The following CSMD3 variants were observed in gnomAD, a reference collection of about 807,000 sequenced individuals.
The protein encoded by CSMD3 is CUB and Sushi multiple domains 3.
A neutral mutation model predicts 435.2 loss-of-function variants in CSMD3; 177 were observed. The ratio of observed to expected loss-of-function variants is 0.41; its 90% CI spans 0.36 to 0.46. The LOEUF (loss-of-function observed/expected upper bound fraction) is 0.46. Ranked by LOEUF, CSMD3 falls within the 20% of genes least tolerant of loss-of-function variation. The probability of loss-of-function intolerance (pLI) is 0.34; values close to 1 mark genes in which losing one functional copy is unlikely to be tolerated. For synonymous variants in CSMD3, 1,656 were observed against 1,520.5 expected, an observed-to-expected ratio of 1.09 and a Z score of -2.07; for missense variants, 4,265 against 4,504.6, an observed-to-expected ratio of 0.95 and a Z score of 1.52.
At chr8:112,507,114 C>A (rs539617076) in intron 28 of CSMD3, among the ~76,000 whole-genome samples, 2 of 152,004 alleles carry the variant, frequency 1.3e-5, no homozygotes, top group South Asian at 2.1e-4. Flanking sequence ...TATTTTGTTT[C>A]ATGTCAAAAG....
intron 24 of CSMD3, among the ~76,000 whole-genome samples, chr8:112,568,431 A>G (rs1829236491): frequency 6.6e-6 from 1 of 152,014 alleles, no homozygotes; most frequent in Admixed American, 6.6e-5. Context: ...TGTCTCTATT[A>G]AAAATACAAA....
chr8:112,623,987 G>T lies in CSMD3; in HGVS notation c.3715+12830C>A, dbSNP rs189235925. Among the ~76,000 whole-genome samples the T allele has an allele frequency of 1.7e-3, 257 of 152,058 alleles. 3 individuals are homozygous for T. The highest frequency in any genetic ancestry group is 5.9e-3 in the African/African-American group (247 of 41,528). On this transcript the variant is annotated intron_variant, in intron 22 of 70. Transcript: ENST00000297405. ...TAAGAGAGCTTAATGAGAGAATCCTGATCTGTTAATATGAACAACACTTAT... is the reference window on the plus strand; with the variant it reads ...TAAGAGAGCTTAATGAGAGAATCCTTATCTGTTAATATGAACAACACTTAT...
At chr8:112,319,847 G>A (rs943613130) in intron 46 of CSMD3, 54 bp downstream of exon 46, 5 of 1,283,006 alleles carry the variant, frequency 3.9e-6, no homozygotes, top group Middle Eastern at 1.8e-4. Context: ...TTATTTTTAA[G>A]CAAATAGTTC....
At chr8:112,839,595 T>C (rs538219537) in intron 11 of CSMD3, among the ~76,000 whole-genome samples, 1 of 151,938 alleles carries the variant, frequency 6.6e-6, no homozygotes, top group South Asian at 2.1e-4. Context: ...AGTTAGGTCG[T>C]ATATATCCAA....
intron 5 of CSMD3, chr8:113,098,518 C>T: frequency 2.0e-6 from 1 of 503,116 alleles, no homozygotes; most frequent in Non-Finnish European, 3.6e-6. Flanking sequence ...AAAAACACAA[C>T]TGTAGATTAC....
At chr8:113,121,829 AT>A (rs1281871605) in intron 4 of CSMD3, among the ~76,000 whole-genome samples, 2 of 152,144 alleles carry the variant, frequency 1.3e-5, no homozygotes, top group Non-Finnish European at 1.5e-5. Flanking sequence ...TAACTAAAGT[AT>A]GAATACTTTA....
intron 23 of CSMD3, among the ~76,000 whole-genome samples, chr8:112,576,822 A>C (rs1295635966): frequency 6.7e-6 from 1 of 150,168 alleles, no homozygotes; most frequent in African/African-American, 2.5e-5. Context: ...GAGCCACTGC[A>C]CCAGGCAGCA....
chr8:113,234,302 T>C (rs1426203676), intron 3 of CSMD3, among the ~76,000 whole-genome samples: 3 of 152,058 alleles, frequency 2.0e-5, no homozygotes, highest in Non-Finnish European at 2.9e-5. Flanking sequence ...TCTTTCCAGT[T>C]TGTCTCATAT....
chr8:113,130,025 TATC>T lies in CSMD3; in HGVS notation c.710-31065_710-31063del, dbSNP rs567416829. 1.7e-4 allele frequency among the ~76,000 whole-genome samples: 26 copies of T among 152,078 alleles called. No individual in the cohort carries two copies. In the South Asian group the frequency reaches 4.3e-3, roughly 25 times the overall value. On this transcript the variant is annotated intron_variant, in intron 4 of 70. Transcript: ENST00000297405. ...ATAATGAATAATACTATCATATTAT[TATC>T]AATTTATTAAAATATGATCAAAATA...
At chr8:112,885,040 A>G (rs2081551503) in intron 10 of CSMD3, among the ~76,000 whole-genome samples, 1 of 151,616 alleles carries the variant, frequency 6.6e-6, no homozygotes, top group East Asian at 2.0e-4. Context: ...CATTTTGTTT[A>G]TCTCTAAAAG....
Position 113,090,870 on chromosome 8 carries a change from T to C in CSMD3, c.917+7886A>G, listed in dbSNP as rs1487395789. The stretch of plus-strand genomic sequence containing the variant: ...TTTCTCACATTCTCCAGAGAAAGTA[T>C]TTCAAATAAATCTCACTCTGCTAAA... On this transcript the variant is annotated intron_variant, in intron 5 of 70. Coordinates refer to ENST00000297405, the MANE Select transcript of CSMD3 (RefSeq NM_198123.2). 2.6e-5 allele frequency among the ~76,000 whole-genome samples: 4 copies of C among 152,208 alleles called. No individual in the cohort carries two copies. The East Asian group carries it at 7.7e-4, about 29-fold the overall frequency.
intron 13 of CSMD3, among the ~76,000 whole-genome samples, chr8:112,799,867 C>A (rs1204559536): frequency 6.6e-6 from 1 of 151,772 alleles, no homozygotes; most frequent in African/African-American, 2.4e-5. Flanking sequence ...CATAAAATCA[C>A]ATGTCTATTT....
chr8:112,448,742 G>A (rs1815913567), intron 32 of CSMD3, among the ~76,000 whole-genome samples: 1 of 141,826 alleles, frequency 7.1e-6, no homozygotes, highest in Non-Finnish European at 1.5e-5. Flanking sequence ...AATACTTTGG[G>A]AGTACAATCT....
intron 13 of CSMD3, among the ~76,000 whole-genome samples, chr8:112,786,690 A>C (rs1286420844): frequency 6.6e-6 from 1 of 152,096 alleles, no homozygotes; most frequent in Admixed American, 6.6e-5. Context: ...TTATTAGAGA[A>C]ATGCAAATCA....
At chr8:112,545,082 T>G (rs922991897) in intron 27 of CSMD3, among the ~76,000 whole-genome samples, 2 of 152,156 alleles carry the variant, frequency 1.3e-5, no homozygotes, top group African/African-American at 4.8e-5. Context: ...TATTTCCCCC[T>G]AATCCTGCCA....
intron 31 of CSMD3, among the ~76,000 whole-genome samples, chr8:112,485,223 C>T (rs1820007609): frequency 1.3e-5 from 2 of 152,078 alleles, no homozygotes; most frequent in Non-Finnish European, 2.9e-5. Flanking sequence ...TATCCCAATG[C>T]AATGCAAAAT....
chr8:112,635,194 T>C (rs2074623459), intron 22 of CSMD3, among the ~76,000 whole-genome samples: 1 of 152,088 alleles, frequency 6.6e-6, no homozygotes. Context: ...AAATTCGGAA[T>C]GCTTCCTATA....
intron 4 of CSMD3, among the ~76,000 whole-genome samples, chr8:113,173,155 T>C (rs1410550434): frequency 1.3e-5 from 2 of 152,096 alleles, no homozygotes; most frequent in South Asian, 2.1e-4. Context: ...TAAATATAAA[T>C]ATGAAAGCAT....
intron 67 of CSMD3, among the ~76,000 whole-genome samples, chr8:112,236,298 T>C (rs554038177): frequency 6.6e-6 from 1 of 152,114 alleles, no homozygotes; most frequent in African/African-American, 2.4e-5. Context: ...TCAAATATCA[T>C]AGTGTCTCAT....
Sources: allele counts gnomAD v4.1 joint callset (sites outside exome capture counted in the v4.1 genomes callset), GRCh38; gene constraint gnomAD v4.1.1; transcripts MANE v1.5; gene names NCBI Gene and HGNC (gene_info 2026-07-23, HGNC 2026-07-21).